Variants in SH3PXD2A observed in about 807,000 individuals in gnomAD.
SH3PXD2A encodes the protein SH3 and PX domains 2A.
Under a neutral mutation model 115.2 loss-of-function variants are expected in SH3PXD2A, and 32 were observed. The observed-to-expected ratio is 0.28, with a 90% CI of 0.21 to 0.37. The LOEUF (loss-of-function observed/expected upper bound fraction) is 0.37. Ranked by LOEUF, SH3PXD2A falls within the 10% of genes least tolerant of loss-of-function variation. The pLI is 1.00. For synonymous variants in SH3PXD2A, 610 were observed against 629.1 expected, an observed-to-expected ratio of 0.97 and a Z score of 0.45; for missense variants, 1,328 against 1,498.7, an observed-to-expected ratio of 0.89 and a Z score of 1.88.
At chr10:103,732,721 G>A (rs750159757) in intron 4 of SH3PXD2A, among the ~76,000 whole-genome samples, 9 of 152,330 alleles carry the variant, frequency 5.9e-5, no homozygotes, top group Non-Finnish European at 1.2e-4. Context: ...AGCCCACATT[G>A]TCTAGCAGGT....
At chr10:103,607,791 AT>A (rs1189895103) in intron 13 of SH3PXD2A, among the ~76,000 whole-genome samples, 1 of 152,172 alleles carries the variant, frequency 6.6e-6, no homozygotes, top group Non-Finnish European at 1.5e-5. Context: ...GAGACTTTTC[AT>A]TTTGTTCTGT....
chr10:103,628,572 G>C (rs942935767), intron 8 of SH3PXD2A, among the ~76,000 whole-genome samples: 1 of 151,996 alleles, frequency 6.6e-6, no homozygotes, highest in African/African-American at 2.4e-5. Flanking sequence ...GGGCTGCCTG[G>C]ACAGCCCACA....
At chr10:103,822,104 A>G (rs1016615646) in intron 1 of SH3PXD2A, among the ~76,000 whole-genome samples, 2 of 151,500 alleles carry the variant, frequency 1.3e-5, no homozygotes, top group Non-Finnish European at 2.9e-5. Context: ...GGGTTTCACC[A>G]GGTCTCAAAC....
chr10:103,680,192 T>TG (rs1178254445), intron 6 of SH3PXD2A, among the ~76,000 whole-genome samples: 1 of 152,032 alleles, frequency 6.6e-6, no homozygotes, highest in African/African-American at 2.4e-5. Flanking sequence ...TTGGCCAGGC[T>TG]GGTCTCAAAC....
intron 2 of SH3PXD2A, among the ~76,000 whole-genome samples, chr10:103,783,135 G>A (rs1353435353): frequency 6.6e-6 from 1 of 152,212 alleles, no homozygotes; most frequent in Non-Finnish European, 1.5e-5. Flanking sequence ...AGTGACAGGA[G>A]GGTGACAGAG....
intron 2 of SH3PXD2A, among the ~76,000 whole-genome samples, chr10:103,776,479 CTATT>C (rs1292834547): frequency 7.4e-6 from 1 of 134,390 alleles, no homozygotes; most frequent in Non-Finnish European, 1.5e-5. Context: ...TGTATTCTAA[CTATT>C]TAGTTTGCTA....
chr10:103,809,996 T>G (rs2039250816), intron 1 of SH3PXD2A, among the ~76,000 whole-genome samples: 1 of 152,110 alleles, frequency 6.6e-6, no homozygotes, highest in Non-Finnish European at 1.5e-5. Flanking sequence ...GCCCCACTAT[T>G]TATTTAAATG....
rs569449199 is a variant in SH3PXD2A, at chr10:103,805,076, T to C, written c.73-3714A>G. On this transcript the variant is annotated intron_variant, in intron 1 of 14. Coordinates refer to ENST00000369774, the MANE Select transcript of SH3PXD2A (RefSeq NM_001394015.1). ...GCCTGCAGGACATTAGACATCAGCC[T>C]TTCTCCGGAACCAACCAAGCGGAGC... is the stretch of plus-strand genomic sequence containing the variant. Among the ~76,000 whole-genome samples the C allele has an allele frequency of 8.8e-4, 134 of 152,310 alleles. No individual in the cohort carries two copies. The Middle Eastern group carries it at 0.01, about 12-fold the overall frequency.
chr10:103,839,623 G>A (rs1379264749), intron 1 of SH3PXD2A, among the ~76,000 whole-genome samples: 9 of 129,536 alleles, frequency 6.9e-5, no homozygotes, highest in African/African-American at 2.6e-4. Flanking sequence ...CCAAGGCCAC[G>A]CAGCCCCTCC....
chr10:103,828,481 T>C (rs1016563776), intron 1 of SH3PXD2A, among the ~76,000 whole-genome samples: 13 of 152,208 alleles, frequency 8.5e-5, no homozygotes, highest in Admixed American at 8.5e-4. Flanking sequence ...TAAAACAAGT[T>C]GACTCCTGGG....
intron 1 of SH3PXD2A, among the ~76,000 whole-genome samples, chr10:103,830,042 G>A (rs1427606139): frequency 6.6e-6 from 1 of 152,154 alleles, no homozygotes; most frequent in Non-Finnish European, 1.5e-5. Flanking sequence ...TACCTCTCAG[G>A]GGCCATTTCT....
intron 7 of SH3PXD2A, among the ~76,000 whole-genome samples, chr10:103,664,500 T>C (rs1592289630): frequency 6.6e-6 from 1 of 152,108 alleles, no homozygotes; most frequent in Admixed American, 6.5e-5. Context: ...ACAGCTGGGA[T>C]TGAACCCAAG....
At chr10:103,703,077 C>G (rs1436431000) in intron 5 of SH3PXD2A, among the ~76,000 whole-genome samples, 1 of 152,166 alleles carries the variant, frequency 6.6e-6, no homozygotes, top group Non-Finnish European at 1.5e-5. Context: ...GAGCTTGGGC[C>G]AAGGAGCTCC....
intron 5 of SH3PXD2A, among the ~76,000 whole-genome samples, chr10:103,709,656 G>A (rs1184906183): frequency 6.6e-6 from 1 of 152,216 alleles, no homozygotes; most frequent in African/African-American, 2.4e-5. Flanking sequence ...GCTTCATTGA[G>A]GGGTAGGATA....
intron 2 of SH3PXD2A, among the ~76,000 whole-genome samples, chr10:103,797,629 G>C (rs918902958): frequency 2.0e-5 from 3 of 151,280 alleles, no homozygotes; most frequent in Non-Finnish European, 4.4e-5. Context: ...CTACATGCAG[G>C]GCTTCACATG....
intron 8 of SH3PXD2A, among the ~76,000 whole-genome samples, chr10:103,660,525 C>T (rs1452753217): frequency 1.3e-5 from 2 of 152,144 alleles, no homozygotes; most frequent in Non-Finnish European, 2.9e-5. Context: ...GGCCCTTCCA[C>T]AAACTTGCCA....
chr10:103,677,785 TG>T (rs2134098106), intron 6 of SH3PXD2A, among the ~76,000 whole-genome samples: 1 of 152,206 alleles, frequency 6.6e-6, no homozygotes, highest in Non-Finnish European at 1.5e-5. Context: ...ATGCAGGAGG[TG>T]CCCAATTAAC....
chr10:103,838,655 C>T (rs984246048), intron 1 of SH3PXD2A, among the ~76,000 whole-genome samples: 1 of 152,206 alleles, frequency 6.6e-6, no homozygotes, highest in Non-Finnish European at 1.5e-5. Flanking sequence ...GGAGGCAAAA[C>T]AGCACAGGCA....
intron 5 of SH3PXD2A, among the ~76,000 whole-genome samples, chr10:103,722,897 T>A (rs1274637432): frequency 6.6e-6 from 1 of 152,206 alleles, no homozygotes; most frequent in Non-Finnish European, 1.5e-5. Flanking sequence ...GTGAAGATGG[T>A]CTTTGCTAGG....
Sources: allele counts gnomAD v4.1 joint callset (sites outside exome capture counted in the v4.1 genomes callset), GRCh38; gene constraint gnomAD v4.1.1; transcripts MANE v1.5; gene names NCBI Gene and HGNC (gene_info 2026-07-23, HGNC 2026-07-21).